Variants in SARM1 observed in about 807,000 individuals in gnomAD.
The protein encoded by SARM1 is NAD(+) hydrolase SARM1.
Under a neutral mutation model 65.1 loss-of-function variants are expected in SARM1, and 60 were observed. The observed-to-expected ratio is 0.92, with a 90% CI of 0.75 to 1.14. The LOEUF is 1.14. SARM1 is among the 50% of genes most tolerant of loss of function. The pLI, the probability that SARM1 is intolerant of heterozygous loss-of-function variation, is 0.00. For missense variants in SARM1, 913 were observed against 1,015.7 expected (o/e 0.90, Z 1.37); for synonymous variants, 417 against 465.4 (o/e 0.90, Z 1.34).
At position 28,391,241 on chromosome 17, in the gene SARM1, G is replaced by C. The variant is rs549353006; in HGVS notation, c.1923+2702G>C. 5.9e-5 allele frequency among the ~76,000 whole-genome samples: 9 copies of C among 152,302 alleles called. No homozygotes were observed. In the South Asian group the frequency reaches 8.3e-4, roughly 14 times the overall value. On this transcript the variant is annotated intron_variant, in intron 7 of 8. Coordinates refer to ENST00000585482, the MANE Select transcript of SARM1 (RefSeq NM_015077.4). ...GTTTTGTTAGTTTGGTTGATTGGCT[G>C]GTTGGGTTTTCTTCCCCCATGAATA...
Position 28,384,547 on chromosome 17 carries a change from C to G in SARM1, c.1280C>G (p.Ser427Cys). ...VQTWLQQIGF[S>C]KYCESFREQQ... ...ACGTGGCTGCAGCAGATCGGTTTCT[C>G]CAAGTACTGCGAGAGCTTCCGGGTA... Residue 427 changes from serine to cysteine, a missense_variant, in exon 3 of 9, where the codon TCC (serine) becomes TGC (cysteine). This residue lies in a region of SARM1 where 862 missense variants were observed against 952.1 expected (regional missense o/e 0.91). Coordinates refer to ENST00000585482, the MANE Select transcript of SARM1 (RefSeq NM_015077.4). The surrounding 1 kb of genome is among the most constrained non-coding windows in gnomAD (Gnocchi z 4.4). 1.2e-6 allele frequency: 2 copies of G among 1,609,996 alleles called. No homozygotes were observed. The highest frequency in any genetic ancestry group is 1.7e-6 in the Non-Finnish European group (2 of 1,178,452).
At position 28,399,954 on chromosome 17, in the gene SARM1, C is replaced by G. The variant is rs2068176301; in HGVS notation, c.*3668C>G. The G allele has an allele frequency of 5.9e-6, 3 of 511,094 alleles. No individual in the cohort carries two copies. The East Asian group carries it at 1.1e-4, about 18-fold the overall frequency. The allele number at this position is 511,094 out of a possible 1,614,324, so 31.7% of individuals were successfully genotyped here. The stretch of plus-strand genomic sequence containing the variant: ...TGTTGTCCAGGCTGGAGGGCAGTGA[C>G]ATAATCATAGCTCACTGTACCCTTG... On this transcript the variant is annotated 3_prime_UTR_variant, in exon 9 of 9. Transcript: ENST00000585482.
Position 28,385,043 on chromosome 17 carries a change from C to T in SARM1, c.1398C>T (p.Phe466=), listed in dbSNP as rs1281018438. The T allele has an allele frequency of 6.2e-7, 1 of 1,613,390 alleles. No individual in the cohort carries two copies. The highest frequency in any genetic ancestry group is 1.1e-5 in the South Asian group (1 of 91,014). The change falls in exon 5 of 9, where the codon TTC becomes TTT. Residue 466 remains phenylalanine, a synonymous_variant. Transcript: ENST00000585482. The surrounding 1 kb of genome is among the most constrained non-coding windows in gnomAD (Gnocchi z 4.5). ...GMKSGITRKR[F]FRELTELKTF... ...TCTTCTCCTCCGTGGGGTGCAGGTT[C>T]TTTAGGGAGCTCACGGAGCTCAAGA... is the stretch of plus-strand genomic sequence containing the variant.
At position 28,387,830 on chromosome 17, in the gene SARM1, G is replaced by C. The variant is rs986897152; in HGVS notation, c.1631-344G>C. On this transcript the variant is annotated intron_variant, in intron 5 of 8. Coordinates refer to ENST00000585482, the MANE Select transcript of SARM1 (RefSeq NM_015077.4). Reference sequence around the variant, plus strand: ...GATACCCAGGTGTCTGGCTTTGGTGGGAAATAGGGAAGAAGGAATGAGGGG... The same window carrying C: ...GATACCCAGGTGTCTGGCTTTGGTGCGAAATAGGGAAGAAGGAATGAGGGG... Among the ~76,000 whole-genome samples, 3 of 152,192 alleles carry C rather than the reference G, an allele frequency of 2.0e-5. No homozygotes were observed. In the East Asian group the frequency reaches 5.8e-4, roughly 29 times the overall value.
Position 28,384,681 on chromosome 17 carries a change from C to A in SARM1, c.1302+112C>A. The A allele has an allele frequency of 7.8e-7, 1 of 1,274,626 alleles. No homozygotes were observed. The highest frequency in any genetic ancestry group is 1.1e-6 in the Non-Finnish European group (1 of 922,280). 79.0% of individuals were successfully genotyped at this position (1,274,626 alleles called of 1,614,324 possible). On this transcript the variant is annotated intron_variant, in intron 3 of 8. Transcript: ENST00000585482. This position sits in a 1 kb window ranked among gnomAD's most constrained non-coding sequence, Gnocchi z 4.4. ...GCGGCGCCAGGGTCGCTTTTGGGGG[C>A]GGGGAGCCTGTACGCAGCCACCGTT...
At chr17:28,391,988 A>G (rs1056135984) in intron 7 of SARM1, among the ~76,000 whole-genome samples, 23 of 151,582 alleles carry the variant, frequency 1.5e-4, no homozygotes, top group Admixed American at 3.3e-4. Context: ...CGGCTCCCCA[A>G]AGTTCTGGGA....
chr17:28,389,051 T>A (rs1174322730), intron 7 of SARM1, among the ~76,000 whole-genome samples: 2 of 152,132 alleles, frequency 1.3e-5, no homozygotes, highest in Non-Finnish European at 2.9e-5. Flanking sequence ...CTTATAGAAC[T>A]GTTGTGAGGA....
chr17:28,381,992 G>T (rs1323521347), intron 2 of SARM1, among the ~76,000 whole-genome samples, 171 bp downstream of exon 2: 1 of 152,218 alleles, frequency 6.6e-6, no homozygotes, highest in Non-Finnish European at 1.5e-5. Context: ...CCGAAGTTTG[G>T]ACTTGGTTTT....
chr17:28,383,197 A>G (rs2142430084), intron 2 of SARM1, among the ~76,000 whole-genome samples: 1 of 152,174 alleles, frequency 6.6e-6, no homozygotes, highest in Non-Finnish European at 1.5e-5. Flanking sequence ...AACATGGTGA[A>G]ACTCTGTCCC....
chr17:28,391,886 T>G (rs1374765841), intron 7 of SARM1, among the ~76,000 whole-genome samples: 1 of 149,420 alleles, frequency 6.7e-6, no homozygotes, highest in Non-Finnish European at 1.5e-5. Flanking sequence ...CTCCGTTTTT[T>G]TTTTTTTTTT....
Position 28,384,671 on chromosome 17 carries a change from CTT to C in SARM1, c.1302+105_1302+106del. On this transcript the variant is annotated intron_variant, in intron 3 of 8. Transcript: ENST00000585482. The surrounding 1 kb of genome is among the most constrained non-coding windows in gnomAD (Gnocchi z 4.4). ...TCGCAATCCCGCGGCGCCAGGGTCG[CTT>C]TTGGGGGCGGGGAGCCTGTACGCAG... 1 of 1,344,404 alleles carries C rather than the reference CTT, an allele frequency of 7.4e-7. No individual in the cohort carries two copies. Among genetic ancestry groups the C allele is most frequent in the Non-Finnish European group, 1.0e-6 (1 of 983,616 alleles). The allele number at this position is 1,344,404 out of a possible 1,614,324, so 83.3% of individuals were successfully genotyped here.
chr17:28,388,210 A>T lies in SARM1; in HGVS notation c.1667A>T (p.Lys556Ile). Reference protein sequence around the residue: ...LHSPLPCTGGKPSGDTPDVFI... With the variant: ...LHSPLPCTGGIPSGDTPDVFI... ...TCCCCGCTGCCCTGTACTGGTGGCA[A>T]ACCCAGTGGGGACACTCCAGATGTC... The change falls in exon 6 of 9, where the codon AAA becomes ATA. Residue 556 changes from lysine to isoleucine, a missense_variant. This residue lies in a region of SARM1 where 862 missense variants were observed against 952.1 expected (regional missense o/e 0.91). Transcript: ENST00000585482. 6.4e-7 allele frequency: 1 copy of T among 1,550,422 alleles called. No individual in the cohort carries two copies. Among genetic ancestry groups the T allele is most frequent in the Middle Eastern group, 2.2e-4 (1 of 4,594 alleles).
In SARM1 at chr17:28,372,020, C is replaced by G. The variant is rs1555584072; in HGVS notation, c.-13C>G. On this transcript the variant is annotated 5_prime_UTR_variant, in exon 1 of 9. Transcript: ENST00000585482. This position sits in a 1 kb window ranked among gnomAD's most constrained non-coding sequence, Gnocchi z 5.2. ...GCCTCCAGGCCGGGGATGTCCCCCG[C>G]GGCCCCGCGCCCATGGTCCTGACGC... 4.1e-6 allele frequency: 6 copies of G among 1,476,646 alleles called. No individual in the cohort carries two copies. The highest frequency in any genetic ancestry group is 2.3e-5 in the Admixed American group (1 of 43,206). The allele number at this position is 1,476,646 out of a possible 1,614,324, so 91.5% of individuals were successfully genotyped here.
chr17:28,384,774 A>G lies in SARM1; in HGVS notation c.1303-65A>G, dbSNP rs2142431321. The G allele has an allele frequency of 2.1e-6, 3 of 1,440,238 alleles. No individual in the cohort carries two copies. The highest frequency in any genetic ancestry group is 2.9e-6 in the Non-Finnish European group (3 of 1,045,706). 89.2% of individuals were successfully genotyped at this position (1,440,238 alleles called of 1,614,324 possible). Reference sequence around the variant, plus strand: ...CGCCATCTCCAGTTCCTTCCCTTGCATCTTGTGCTCGAGGTCCAAGGGCGG... The same window carrying G: ...CGCCATCTCCAGTTCCTTCCCTTGCGTCTTGTGCTCGAGGTCCAAGGGCGG... On this transcript the variant is annotated intron_variant, in intron 3 of 8. Transcript: ENST00000585482. This position sits in a 1 kb window ranked among gnomAD's most constrained non-coding sequence, Gnocchi z 4.4.
At chr17:28,374,995 A>C (rs201318842) in intron 1 of SARM1, among the ~76,000 whole-genome samples, 16,635 of 141,604 alleles carry the variant, frequency 0.12, 1,237 homozygotes, top group East Asian at 0.24. Flanking sequence ...AAAAAAAAAA[A>C]CAATTCCATC....
chr17:28,380,785 A>C (rs991178164), intron 1 of SARM1, among the ~76,000 whole-genome samples: 14 of 152,244 alleles, frequency 9.2e-5, no homozygotes, highest in African/African-American at 3.4e-4. Flanking sequence ...ATTAGTCCTG[A>C]TAATAATCCT....
Position 28,398,012 on chromosome 17 carries a change from G to A in SARM1, c.*1726G>A, listed in dbSNP as rs1301536469. The A allele has an allele frequency of 3.9e-5, 6 of 152,426 alleles. No homozygotes were observed. The highest frequency in any genetic ancestry group is 1.4e-4 in the African/African-American group (6 of 41,456). 9.4% of individuals were successfully genotyped at this position (152,426 alleles called of 1,614,324 possible). ...TGTCTTGGCCAGTGCCAGCCTCGAT[G>A]CTTTGGTTTTGACCCCACCTGATCC... On this transcript the variant is annotated 3_prime_UTR_variant, in exon 9 of 9. Transcript: ENST00000585482.
In SARM1 at chr17:28,398,124, CA is replaced by C. The variant is rs2068153663; in HGVS notation, c.*1839del. ...CAGGGCAGCCTGGACACTGCCCTCA[CA>C]GGACAGCGCCAATAACAATACAGTG... On this transcript the variant is annotated 3_prime_UTR_variant, in exon 9 of 9. Coordinates refer to ENST00000585482, the MANE Select transcript of SARM1 (RefSeq NM_015077.4). 1 of 152,354 alleles carries C rather than the reference CA, an allele frequency of 6.6e-6. No homozygotes were observed. The highest frequency in any genetic ancestry group is 1.5e-5 in the Non-Finnish European group (1 of 68,148). 9.4% of individuals were successfully genotyped at this position (152,354 alleles called of 1,614,324 possible).
At chr17:28,388,104 G>A (rs781819572) in intron 5 of SARM1, 70 bp from the exon 6 acceptor site, 17 of 1,197,810 alleles carry the variant, frequency 1.4e-5, no homozygotes, top group Admixed American at 7.9e-5. Flanking sequence ...AAGTCCACAA[G>A]GGATGATATA....
Sources: gnomAD v4.1 joint callset for allele counts (sites outside exome capture counted in the v4.1 genomes callset) on GRCh38, gnomAD v4.1.1 for gene constraint, gnomAD v4.1.1 regional missense constraint, Gnocchi (gnomAD v3.1) non-coding constraint, MANE v1.5 for transcripts, NCBI Gene and HGNC (gene_info 2026-07-23, HGNC 2026-07-21) for gene names.